The following ANTXRL variants were observed in gnomAD, a reference collection of about 807,000 sequenced individuals.
The protein encoded by ANTXRL is anthrax toxin receptor-like.
Under a neutral mutation model 75.4 loss-of-function variants are expected in ANTXRL, and 63 were observed. The observed-to-expected ratio is 0.84, with a 90% CI of 0.68 to 1.03. The LOEUF is 1.03. ANTXRL is among the 50% of genes least tolerant of loss of function. ANTXRL has a pLI of 0.00. For missense variants in ANTXRL, 797 were observed against 789.4 expected (o/e 1.01, Z -0.12); for synonymous variants, 335 against 291.3 (o/e 1.15, Z -1.53).
intron 1 of ANTXRL, among the ~76,000 whole-genome samples, chr10:46,288,015 C>T (rs782633607): frequency 6.6e-6 from 1 of 152,112 alleles, no homozygotes; most frequent in Non-Finnish European, 1.5e-5. Flanking sequence ...GCCTCTTCTG[C>T]AACTTGGAGA....
At chr10:46,315,448 C>CT (rs57252533) in intron 16 of ANTXRL, among the ~76,000 whole-genome samples, 6,018 of 152,272 alleles carry the variant, frequency 0.04, 377 homozygotes, top group African/African-American at 0.14. Flanking sequence ...CAGGCATAGG[C>CT]TGTCTGTCTC....
intron 16 of ANTXRL, among the ~76,000 whole-genome samples, chr10:46,314,023 G>A (rs797037366): frequency 2.2e-4 from 33 of 152,298 alleles, no homozygotes; most frequent in African/African-American, 7.7e-4. Context: ...ATCTGCCTGT[G>A]CCTCCCACAG....
intron 16 of ANTXRL, among the ~76,000 whole-genome samples, chr10:46,328,497 C>A (rs1449709952): frequency 6.6e-6 from 1 of 152,124 alleles, no homozygotes; most frequent in African/African-American, 2.4e-5. Flanking sequence ...GGGAAAGCAG[C>A]CTTCTTTAAA....
At chr10:46,292,354 AGGGGAGGCAGTT>A (rs1837028508) in intron 2 of ANTXRL, among the ~76,000 whole-genome samples, 7 of 152,054 alleles carry the variant, frequency 4.6e-5, no homozygotes, top group Non-Finnish European at 8.8e-5. Flanking sequence ...GACATATTGC[AGGGGAGGCAGTT>A]TGCCCTTGGG....
chr10:46,296,469 G>A (rs1224218230), intron 5 of ANTXRL, among the ~76,000 whole-genome samples: 1 of 152,168 alleles, frequency 6.6e-6, no homozygotes, highest in Non-Finnish European at 1.5e-5. Context: ...TCCTGCGTGT[G>A]CAGTTCTGGT....
chr10:46,305,907 C>T (rs1241520669), intron 10 of ANTXRL, among the ~76,000 whole-genome samples: 1 of 152,152 alleles, frequency 6.6e-6, no homozygotes, highest in African/African-American at 2.4e-5. Flanking sequence ...TCTTTGACTC[C>T]TCTGAGCTTC....
intron 14 of ANTXRL, among the ~76,000 whole-genome samples, chr10:46,310,926 C>T (rs1240536221): frequency 3.9e-5 from 6 of 151,984 alleles, no homozygotes; most frequent in South Asian, 4.2e-4. Context: ...CTGGCAGGGA[C>T]GAGGGGCTGG....
chr10:46,320,258 C>T (rs1368299510), intron 16 of ANTXRL, among the ~76,000 whole-genome samples: 2 of 152,142 alleles, frequency 1.3e-5, no homozygotes, highest in African/African-American at 4.8e-5. Context: ...TAGTGGGGAA[C>T]CCACTGTATG....
chr10:46,303,548 G>A (rs782495883), intron 10 of ANTXRL, among the ~76,000 whole-genome samples: 2 of 152,098 alleles, frequency 1.3e-5, no homozygotes. Flanking sequence ...CATTTCTTTC[G>A]AACATCATGT....
chr10:46,292,274 G>A (rs1837024620), intron 2 of ANTXRL, 145 bp downstream of exon 2: 2 of 784,538 alleles, frequency 2.5e-6, no homozygotes, highest in Non-Finnish European at 2.1e-6. Flanking sequence ...TTCTGAAGCA[G>A]GAATGAGGCC....
rs1314297479 is a variant in ANTXRL at position 46,302,781 on chromosome 10, G to T, written c.856G>T (p.Val286Phe). ...GFQNLKKRDE[V>F]ICRFIFNEST... ...TCAGAATCTAAAGAAACGGGATGAA[G>T]TTATTTGCAGATTTATCTTCAATGA... is the stretch of plus-strand genomic sequence containing the variant. Residue 286 changes from valine (V) to phenylalanine (F), a missense_variant, in exon 10 of 17, where the codon GTT becomes TTT. Coordinates refer to ENST00000620264, the MANE Select transcript of ANTXRL (RefSeq NM_001278688.3). The T allele has an allele frequency of 4.6e-6, 7 of 1,536,288 alleles. No individual in the cohort carries two copies. Among genetic ancestry groups the T allele is most frequent in the Non-Finnish European group, 1.7e-6 (2 of 1,146,720 alleles).
At chr10:46,316,787 C>T (rs73292911) in intron 16 of ANTXRL, among the ~76,000 whole-genome samples, 6,954 of 152,170 alleles carry the variant, frequency 0.046, 548 homozygotes, top group African/African-American at 0.16. Context: ...TGATGCTGAT[C>T]AGAAAAAAAT....
Position 46,310,442 on chromosome 10 carries a change from T to C in ANTXRL, c.1135-19T>C. The C allele has an allele frequency of 6.5e-7, 1 of 1,536,114 alleles. No individual in the cohort carries two copies. The highest frequency in any genetic ancestry group is 1.7e-4 in the Middle Eastern group (1 of 5,986). On this transcript the variant is annotated intron_variant, in intron 13 of 16. Coordinates refer to ENST00000620264, the MANE Select transcript of ANTXRL (RefSeq NM_001278688.3). ...CCCACCCCCATCCAGCCTGTGTTTG[T>C]CTCTTTTGAACATTCTAGACTGTCA...
chr10:46,288,871 G>A (rs2132631571), intron 1 of ANTXRL, among the ~76,000 whole-genome samples: 1 of 152,272 alleles, frequency 6.6e-6, no homozygotes, highest in African/African-American at 2.4e-5. Flanking sequence ...TGGATGTAAA[G>A]GGAGCAGACA....
chr10:46,299,972 C>T (rs1383216950), intron 9 of ANTXRL, among the ~76,000 whole-genome samples: 3 of 152,196 alleles, frequency 2.0e-5, no homozygotes, highest in African/African-American at 7.2e-5. Context: ...TCTGTTCCTC[C>T]TGATTTAAAG....
At chr10:46,297,968 C>G in intron 8 of ANTXRL, 34 bp from the exon 9 acceptor site, 1 of 1,535,830 alleles carries the variant, frequency 6.5e-7, no homozygotes, top group Admixed American at 2.0e-5. Context: ...GAAGCTCACT[C>G]TCCCTGTCCC....
rs539596705 is a variant in ANTXRL, at chr10:46,310,809, G to A, written c.1173+310G>A. On this transcript the variant is annotated intron_variant, in intron 14 of 16. Transcript: ENST00000620264. ...TCAAGGACCTTTTGTAAGATGCTAA[G>A]GACAGAGGCGCTCTGGAAAAGGAGC... Among the ~76,000 whole-genome samples, 92 of 152,274 alleles carry A rather than the reference G, an allele frequency of 6.0e-4. 1 individual carries two copies. Among genetic ancestry groups the A allele is most frequent in the Non-Finnish European group, 5.4e-4 (37 of 68,038 alleles).
At chr10:46,327,337 T>C (rs1839269709) in intron 16 of ANTXRL, among the ~76,000 whole-genome samples, 1 of 151,876 alleles carries the variant, frequency 6.6e-6, no homozygotes, top group Admixed American at 6.6e-5. Flanking sequence ...GGGAAGATGG[T>C]CCTGGGAGGA....
chr10:46,312,902 T>C (rs60622079), intron 15 of ANTXRL, among the ~76,000 whole-genome samples: 15,472 of 151,888 alleles, frequency 0.1, 865 homozygotes, highest in Admixed American at 0.16. Context: ...CAGGCCCCCA[T>C]GCTGGGCCCC....
Sources: allele counts gnomAD v4.1 joint callset (sites outside exome capture counted in the v4.1 genomes callset), GRCh38; gene constraint gnomAD v4.1.1; transcripts MANE v1.5; gene names NCBI Gene and HGNC (gene_info 2026-07-23, HGNC 2026-07-21).